SLC6A15: variants seen among roughly 807,000 people sequenced by gnomAD.
SLC6A15 encodes the protein solute carrier family 6 member 15, also known as sodium-dependent neutral amino acid transporter B(0)AT2.
Under a neutral mutation model 68.5 loss-of-function variants are expected in SLC6A15, and 33 were observed. That is an observed-to-expected ratio of 0.48 (90% CI 0.37 to 0.64). The LOEUF (loss-of-function observed/expected upper bound fraction) is 0.64, where lower values mean the gene tolerates loss of function less well. SLC6A15 is among the 30% of genes least tolerant of loss of function. The probability of loss-of-function intolerance (pLI) is 0.00; values close to 1 mark genes in which losing one functional copy is unlikely to be tolerated. For missense variants in SLC6A15, 747 were observed against 874.3 expected (o/e 0.85, Z 1.84); for synonymous variants, 347 against 301.0 (o/e 1.15, Z -1.58).
Position 84,885,425 on chromosome 12 carries a change from C to T in SLC6A15, c.574+10G>A. On this transcript the variant is annotated intron_variant, in intron 4 of 11. Coordinates refer to ENST00000266682, the MANE Select transcript of SLC6A15 (RefSeq NM_182767.6). ...TTAAATACCAAAACACTGTATTATACATATCTTACAAGTGTGTGAAGCATT... is the reference window on the plus strand; with the variant it reads ...TTAAATACCAAAACACTGTATTATATATATCTTACAAGTGTGTGAAGCATT... 1.2e-6 allele frequency: 2 copies of T among 1,609,274 alleles called. No individual in the cohort carries two copies. Among genetic ancestry groups the T allele is most frequent in the Non-Finnish European group, 8.5e-7 (1 of 1,177,900 alleles).
At position 84,895,339 on chromosome 12, in the gene SLC6A15, A is replaced by ATTTTTTTT. The variant is rs67339994; in HGVS notation, c.-188-3039_-188-3032dup. 2.6e-3 allele frequency among the ~76,000 whole-genome samples: 145 copies of ATTTTTTTT among 54,782 alleles called. 14 individuals carry two copies. The highest frequency in any genetic ancestry group is 7.3e-3 in the African/African-American group (108 of 14,842). The allele number at this position is 54,782 out of a possible 152,430, so 35.9% of individuals were successfully genotyped here. A position where few individuals can be genotyped will look rare whatever the true frequency, so the allele number is the denominator to read the frequency against. ...CTTAGATGTTTTCATTTTTGTTTGT[A>ATTTTTTTT]TTTTTTTTTTTTTTTTTTTTTTTTT... On this transcript the variant is annotated intron_variant, in intron 1 of 11. Transcript: ENST00000266682.
chr12:84,910,927 C>CTCTCTCT (rs1565736492), intron 1 of SLC6A15, among the ~76,000 whole-genome samples: 4 of 129,002 alleles, frequency 3.1e-5, no homozygotes, highest in African/African-American at 1.6e-4. Context: ...CGCCCTCTTT[C>CTCTCTCT]CGTGTGTGTG....
rs183105949 is a variant in SLC6A15 at position 84,889,620 on chromosome 12, C to T, written c.289+2212G>A. On this transcript the variant is annotated intron_variant, in intron 2 of 11. Coordinates refer to ENST00000266682, the MANE Select transcript of SLC6A15 (RefSeq NM_182767.6). ...AGACTACGATTTAATAAATGTGTTA[C>T]GCTTTAAATACATATATTTGAACAT... 1.9e-3 allele frequency among the ~76,000 whole-genome samples: 286 copies of T among 152,280 alleles called. 2 individuals are homozygous for T. The highest frequency in any genetic ancestry group is 3.9e-3 in the South Asian group (19 of 4,824).
chr12:84,866,971 A>T (rs1871091615), intron 10 of SLC6A15, 63 bp downstream of exon 10: 1 of 1,309,534 alleles, frequency 7.6e-7, no homozygotes, highest in South Asian at 1.7e-5. Flanking sequence ...TGAAATGAAC[A>T]TTGATAATTG....
At position 84,861,228 on chromosome 12, in the gene SLC6A15, T is replaced by C. The variant is rs143168309; in HGVS notation, c.*404A>G. ...GGCACCCACTTACAGAACTGCTCAT[T>C]GTGACACTGGAAGTTACCCTGAAGG... On this transcript the variant is annotated 3_prime_UTR_variant, in exon 12 of 12. Transcript: ENST00000266682. The C allele has an allele frequency of 6.2e-3, 983 of 158,308 alleles. 4 individuals are homozygous for C. The highest frequency in any genetic ancestry group is 0.019 in the African/African-American group (773 of 41,680). The allele number at this position is 158,308 out of a possible 1,614,324, so 9.8% of individuals were successfully genotyped here. A position where few individuals can be genotyped will look rare whatever the true frequency, so the allele number is the denominator to read the frequency against.
At chr12:84,869,425 G>A (rs1026255381) in intron 9 of SLC6A15, among the ~76,000 whole-genome samples, 3 of 136,472 alleles carry the variant, frequency 2.2e-5, no homozygotes, top group East Asian at 2.1e-4. Context: ...TCGCACTACT[G>A]CTGCACTCCA....
chr12:84,905,560 A>T (rs1873103298), intron 1 of SLC6A15, among the ~76,000 whole-genome samples: 1 of 152,208 alleles, frequency 6.6e-6, no homozygotes, highest in South Asian at 2.1e-4. Flanking sequence ...TAGTGGCATA[A>T]GGCAAGAAAA....
rs1870831406 is a variant in SLC6A15 at position 84,861,199 on chromosome 12, G to C, written c.*433C>G. The C allele has an allele frequency of 6.4e-6, 1 of 155,900 alleles. No individual in the cohort carries two copies. Among genetic ancestry groups the C allele is most frequent in the Non-Finnish European group, 1.4e-5 (1 of 70,436 alleles). The allele number at this position is 155,900 out of a possible 1,614,324, so 9.7% of individuals were successfully genotyped here. A position where few individuals can be genotyped will look rare whatever the true frequency, so the allele number is the denominator to read the frequency against. On this transcript the variant is annotated 3_prime_UTR_variant, in exon 12 of 12. Transcript: ENST00000266682. ...CATAATATATTCATAGAAATGTGCT[G>C]AGAGGCACCCACTTACAGAACTGCT...
Position 84,872,611 on chromosome 12 carries a change from C to T in SLC6A15, c.1293G>A (p.Glu431=). The change falls in exon 8 of 12, where the codon GAG becomes GAA. Residue 431 remains glutamate, a synonymous_variant. Coordinates refer to ENST00000266682, the MANE Select transcript of SLC6A15 (RefSeq NM_182767.6). ...LHLNSCKIEE[E]LNKAVQGTGL... is the part of the protein sequence containing the mutation. ...AACATGGCTTACTAACTTTATTTAG[C>T]TCTTCTTCAATTTTACAGGAATTGA... The T allele has an allele frequency of 1.9e-6, 3 of 1,607,402 alleles. No homozygotes were observed. The highest frequency in any genetic ancestry group is 2.5e-6 in the Non-Finnish European group (3 of 1,178,266).
In SLC6A15 at chr12:84,883,468, A is replaced by G. The variant is rs1871925436; in HGVS notation, c.756+391T>C. 7 of 1,178,322 alleles carry G rather than the reference A, an allele frequency of 5.9e-6. No individual in the cohort carries two copies. The South Asian group carries it at 1.6e-4, about 28-fold the overall frequency. The allele number at this position is 1,178,322 out of a possible 1,614,324, so 73.0% of individuals were successfully genotyped here. A position where few individuals can be genotyped will look rare whatever the true frequency, so the allele number is the denominator to read the frequency against. On this transcript the variant is annotated intron_variant, in intron 5 of 11. Coordinates refer to ENST00000266682, the MANE Select transcript of SLC6A15 (RefSeq NM_182767.6). Reference sequence around the variant, plus strand: ...CCTACAGCAGAGAGAAACAAATGATATCAAACAAACAAAATGAATGAATTA... The same window carrying G: ...CCTACAGCAGAGAGAAACAAATGATGTCAAACAAACAAAATGAATGAATTA...
intron 10 of SLC6A15, 74 bp from the exon 11 acceptor site, chr12:84,863,675 A>G (rs965358971): frequency 5.5e-6 from 6 of 1,087,096 alleles, no homozygotes; most frequent in Non-Finnish European, 6.3e-6. Context: ...CATTATATTA[A>G]TGGTCTGACA....
chr12:84,867,341 A>G (rs932020379), intron 9 of SLC6A15, 148 bp from the exon 10 acceptor site: 4 of 525,344 alleles, frequency 7.6e-6, no homozygotes, highest in Non-Finnish European at 1.2e-5. Flanking sequence ...TACATGGCAT[A>G]TAACCTATTA....
At chr12:84,910,951 G>T (rs539019261) in intron 1 of SLC6A15, among the ~76,000 whole-genome samples, 1 of 145,028 alleles carries the variant, frequency 6.9e-6, no homozygotes. Flanking sequence ...GTGTGTGTGT[G>T]TGTCTTTAAC....
At chr12:84,896,704 G>A (rs1019887896) in intron 1 of SLC6A15, among the ~76,000 whole-genome samples, 1 of 152,120 alleles carries the variant, frequency 6.6e-6, no homozygotes. Context: ...AGTGGACACA[G>A]GAAGAAACAT....
chr12:84,870,553 T>C lies in SLC6A15; in HGVS notation c.1420A>G (p.Ser474Gly). 6.2e-7 allele frequency: 1 copy of C among 1,609,844 alleles called. No individual in the cohort carries two copies. Among genetic ancestry groups the C allele is most frequent in the South Asian group, 1.1e-5 (1 of 90,414 alleles). The change falls in exon 9 of 12, where the codon AGT (serine) becomes GGT (glycine). Residue 474 changes from serine (S) to glycine (G), a missense_variant. Transcript: ENST00000266682. Reference protein sequence around the residue: ...FLMLVNLGLGSMFGTIEGIVT... With the variant: ...FLMLVNLGLGGMFGTIEGIVT... ...ATCCCTTCAATGGTTCCAAACATACTGCCAAGGCCTAGATTGACCAGCATG... is the reference window on the plus strand; with the variant it reads ...ATCCCTTCAATGGTTCCAAACATACCGCCAAGGCCTAGATTGACCAGCATG...
intron 11 of SLC6A15, among the ~76,000 whole-genome samples, chr12:84,862,894 A>G (rs1042892641): frequency 6.6e-6 from 1 of 152,128 alleles, no homozygotes; most frequent in Non-Finnish European, 1.5e-5. Flanking sequence ...GGCTCAAGCT[A>G]TCCTTCAGCC....
intron 1 of SLC6A15, among the ~76,000 whole-genome samples, chr12:84,911,087 G>C (rs1873428556): frequency 6.6e-6 from 1 of 152,136 alleles, no homozygotes; most frequent in African/African-American, 2.4e-5. Flanking sequence ...CTGTGTTTCA[G>C]CAATGATCTT....
intron 1 of SLC6A15, among the ~76,000 whole-genome samples, chr12:84,899,037 T>G (rs1358968101): frequency 6.6e-6 from 1 of 152,192 alleles, no homozygotes; most frequent in Non-Finnish European, 1.5e-5. Context: ...CTAGCAAAAG[T>G]CAGGCTGTCA....
Position 84,889,816 on chromosome 12 carries a change from C to T in SLC6A15, c.289+2016G>A, listed in dbSNP as rs535599838. Among the ~76,000 whole-genome samples, 5 of 152,218 alleles carry T rather than the reference C, an allele frequency of 3.3e-5. No individual in the cohort carries two copies. In the South Asian group the frequency reaches 1.0e-3, roughly 32 times the overall value. ...GTCACATGGGTAGTGTGTAAAAGAA[C>T]CAGGCTTCAAACAGTGAAATTGACT... On this transcript the variant is annotated intron_variant, in intron 2 of 11. Transcript: ENST00000266682.
Sources: gnomAD v4.1 joint callset for allele counts (sites outside exome capture counted in the v4.1 genomes callset) on GRCh38, gnomAD v4.1.1 for gene constraint, MANE v1.5 for transcripts, NCBI Gene and HGNC (gene_info 2026-07-23, HGNC 2026-07-21) for gene names.